Variants in PCSK5 observed in about 807,000 individuals in gnomAD.
The protein encoded by PCSK5 is prohormone convertase 5.
Under a neutral mutation model 233.2 loss-of-function variants are expected in PCSK5, and 129 were observed. The observed-to-expected ratio is 0.55, with a 90% CI of 0.48 to 0.64. The LOEUF (loss-of-function observed/expected upper bound fraction) is 0.64. Among genes scored for constraint, PCSK5 ranks in the 30% least tolerant of loss-of-function variants. The pLI is 0.00. For missense variants in PCSK5, 2,076 were observed against 2,430.1 expected (o/e 0.85, Z 3.06); for synonymous variants, 825 against 879.2 (o/e 0.94, Z 1.09).
At chr9:76,119,636 T>A (rs1254465480) in intron 9 of PCSK5, among the ~76,000 whole-genome samples, 1 of 152,076 alleles carries the variant, frequency 6.6e-6, no homozygotes, top group East Asian at 1.9e-4. Context: ...TTATTCTTTT[T>A]TGAGTTTTTA....
intron 8 of PCSK5, among the ~76,000 whole-genome samples, chr9:76,100,078 C>T (rs1233186799): frequency 6.6e-6 from 1 of 152,212 alleles, no homozygotes; most frequent in Non-Finnish European, 1.5e-5. Flanking sequence ...AAGGAAGTCC[C>T]TGTCCCTTGG....
intron 30 of PCSK5, among the ~76,000 whole-genome samples, chr9:76,317,131 C>T (rs1340127556): frequency 6.6e-6 from 1 of 152,060 alleles, no homozygotes; most frequent in African/African-American, 2.4e-5. Flanking sequence ...GAGGCCAAGG[C>T]AGGCAGATCA....
At position 76,061,194 on chromosome 9, in the gene PCSK5, A is replaced by T. The variant is rs147600602; in HGVS notation, c.633-6761A>T. Among the ~76,000 whole-genome samples the T allele has an allele frequency of 6.0e-3, 911 of 152,334 alleles. 14 individuals are homozygous for T. Among genetic ancestry groups the T allele is most frequent in the African/African-American group, 0.021 (857 of 41,592 alleles). The stretch of plus-strand genomic sequence containing the variant: ...TAAATAAGCCTGATATGATGGACAC[A>T]TAAAGAGTAATTGGAGAATATACAT... On this transcript the variant is annotated intron_variant, in intron 5 of 37. Transcript: ENST00000674117.
At chr9:75,950,247 C>A (rs945115526) in intron 2 of PCSK5, among the ~76,000 whole-genome samples, 2 of 149,658 alleles carry the variant, frequency 1.3e-5, no homozygotes, top group African/African-American at 4.9e-5. Context: ...ACTGAATTTA[C>A]TTTTTATATA....
Position 76,310,784 on chromosome 9 carries a change from A to G in PCSK5, c.3817A>G (p.Lys1273Glu), listed in dbSNP as rs760482109. 8 of 1,612,182 alleles carry G rather than the reference A, an allele frequency of 5.0e-6. No homozygotes were observed. The African/African-American group carries it at 8.0e-5, about 16-fold the overall frequency. Reference protein sequence around the residue: ...AICSGADLCKKCQMQPGHPLF... With the variant: ...AICSGADLCKECQMQPGHPLF... Reference sequence around the variant, plus strand: ...CTGCTCTGGAGCCGATCTTTGCAAAAAATGCCAGATGCAGCCGGGCCACCC... The same window carrying G: ...CTGCTCTGGAGCCGATCTTTGCAAAGAATGCCAGATGCAGCCGGGCCACCC... The change falls in exon 30 of 38, where the codon AAA becomes GAA. Residue 1273 changes from lysine (K) to glutamate (E), a missense_variant. Coordinates refer to ENST00000674117, the MANE Select transcript of PCSK5 (RefSeq NM_001372043.1).
chr9:76,096,463 C>T (rs114712639), intron 8 of PCSK5, among the ~76,000 whole-genome samples: 26 of 152,272 alleles, frequency 1.7e-4, no homozygotes, highest in African/African-American at 6.3e-4. Flanking sequence ...TCCGCACCGA[C>T]TTTTAACTTT....
intron 9 of PCSK5, among the ~76,000 whole-genome samples, chr9:76,126,596 A>G: frequency 6.6e-6 from 1 of 152,202 alleles, no homozygotes; most frequent in East Asian, 1.9e-4. Context: ...CTGGGCAACA[A>G]GAGTGAAACT....
chr9:76,193,201 T>C lies in PCSK5; in HGVS notation c.2626+3455T>C, dbSNP rs757402583. 3 of 1,604,394 alleles carry C rather than the reference T, an allele frequency of 1.9e-6. No homozygotes were observed. The East Asian group carries it at 6.7e-5, about 36-fold the overall frequency. On this transcript the variant is annotated intron_variant, in intron 20 of 37. Coordinates refer to ENST00000674117, the MANE Select transcript of PCSK5 (RefSeq NM_001372043.1). ...TGTGTACATCATGCTGCTCTCGTCTTCAACTCCCCTTCTCTCTTGCTGACT... is the reference window on the plus strand; with the variant it reads ...TGTGTACATCATGCTGCTCTCGTCTCCAACTCCCCTTCTCTCTTGCTGACT...
intron 5 of PCSK5, among the ~76,000 whole-genome samples, chr9:76,056,462 C>T (rs1829821912): frequency 6.6e-6 from 1 of 152,188 alleles, no homozygotes; most frequent in Non-Finnish European, 1.5e-5. Context: ...ACAGTGACCC[C>T]ATGAAGGCCC....
At chr9:76,122,553 A>T (rs1377623149) in intron 9 of PCSK5, among the ~76,000 whole-genome samples, 1 of 152,134 alleles carries the variant, frequency 6.6e-6, no homozygotes, top group African/African-American at 2.4e-5. Flanking sequence ...TTAGATTATC[A>T]GCAACACTGG....
intron 24 of PCSK5, among the ~76,000 whole-genome samples, chr9:76,273,546 A>G (rs1056347917): frequency 3.0e-5 from 4 of 133,176 alleles, no homozygotes; most frequent in Non-Finnish European, 6.3e-5. Context: ...GAGTCTTCTT[A>G]TAGATTAACA....
intron 28 of PCSK5, among the ~76,000 whole-genome samples, chr9:76,307,692 T>A (rs538120962): frequency 6.6e-6 from 1 of 152,102 alleles, no homozygotes; most frequent in African/African-American, 2.4e-5. Flanking sequence ...GAGTAGGGGA[T>A]AATTTTGATG....
intron 11 of PCSK5, among the ~76,000 whole-genome samples, chr9:76,157,580 C>T (rs895094973): frequency 6.6e-6 from 1 of 151,888 alleles, no homozygotes; most frequent in Non-Finnish European, 1.5e-5. Context: ...AGGGCCTATT[C>T]CCCAGTTTTA....
intron 2 of PCSK5, among the ~76,000 whole-genome samples, chr9:75,949,209 GTTA>G (rs748790802): frequency 2.4e-4 from 36 of 151,552 alleles, no homozygotes; most frequent in South Asian, 1.1e-3. Context: ...AGCATCCTTT[GTTA>G]TTATTTGGTA....
At chr9:76,121,146 T>C (rs969021405) in intron 9 of PCSK5, among the ~76,000 whole-genome samples, 3 of 152,152 alleles carry the variant, frequency 2.0e-5, no homozygotes, top group Non-Finnish European at 4.4e-5. Flanking sequence ...TGTCAATGTT[T>C]GTGTTTCTTT....
chr9:75,932,919 T>C (rs1045254568), intron 2 of PCSK5, among the ~76,000 whole-genome samples: 1 of 152,180 alleles, frequency 6.6e-6, no homozygotes, highest in Non-Finnish European at 1.5e-5. Flanking sequence ...ATGATTTTAC[T>C]TGGCACTGAT....
intron 2 of PCSK5, among the ~76,000 whole-genome samples, chr9:75,942,232 G>T (rs114524514): frequency 2.3e-3 from 357 of 152,326 alleles, no homozygotes; most frequent in African/African-American, 8.0e-3. Context: ...TGCAAGTCTC[G>T]ACTTTTACAT....
At chr9:76,247,269 G>T (rs1036295834) in intron 24 of PCSK5, among the ~76,000 whole-genome samples, 7 of 152,170 alleles carry the variant, frequency 4.6e-5, no homozygotes, top group African/African-American at 1.7e-4. Context: ...AGCTTGAGCC[G>T]TAACAAACAT....
intron 5 of PCSK5, among the ~76,000 whole-genome samples, chr9:76,032,080 C>T (rs1442450763): frequency 6.6e-6 from 1 of 152,084 alleles, no homozygotes; most frequent in African/African-American, 2.4e-5. Flanking sequence ...TTCCCATCTC[C>T]CTTAGTAGAG....
Sources: gnomAD v4.1 joint callset for allele counts (sites outside exome capture counted in the v4.1 genomes callset) on GRCh38, gnomAD v4.1.1 for gene constraint, MANE v1.5 for transcripts, NCBI Gene and HGNC (gene_info 2026-07-23, HGNC 2026-07-21) for gene names.